The following CRB2 variants were observed in gnomAD, a reference collection of about 807,000 sequenced individuals.
The protein encoded by CRB2 is crumbs cell polarity complex component 2.
In CRB2, 85 loss-of-function variants were observed where a neutral mutation model predicts 110.9. The ratio of observed to expected loss-of-function variants is 0.77; its 90% CI spans 0.64 to 0.92. The LOEUF (loss-of-function observed/expected upper bound fraction) is 0.92, where lower values mean the gene tolerates loss of function less well. CRB2 is among the 40% of genes least tolerant of loss of function. CRB2 has a pLI of 0.00. For synonymous variants in CRB2, 907 were observed against 831.0 expected, an observed-to-expected ratio of 1.09 and a Z score of -1.57; for missense variants, 1,843 against 1,851.3, an observed-to-expected ratio of 1.00 and a Z score of 0.08.
chr9:123,354,519 A>C (rs751152516), upstream of CRB2, among the ~76,000 whole-genome samples: 12 of 152,172 alleles, frequency 7.9e-5, no homozygotes, highest in Non-Finnish European at 1.6e-4. Flanking sequence ...AGGCCCAGAG[A>C]AGGAAGTCAC....
intron 1 of CRB2, among the ~76,000 whole-genome samples, chr9:123,358,443 AGG>A (rs1240842609): frequency 6.6e-6 from 1 of 152,180 alleles, no homozygotes; most frequent in Non-Finnish European, 1.5e-5. Flanking sequence ...TCCAGCCAGA[AGG>A]GGGTGGGGGC....
In CRB2 at chr9:123,371,374, CGTGCACGTGG is replaced by C; in HGVS notation, c.2236_2245del (p.His746GlyfsTer392). Reference sequence around the variant, plus strand: ...ACCAGCTGCAGGACCTGGGGCAGCACGTGCACGTGGGTGGGAGGCTCCTTGCTGCCGACAG... The same window carrying C: ...ACCAGCTGCAGGACCTGGGGCAGCACGTGGGAGGCTCCTTGCTGCCGACAG... On this transcript the variant is annotated frameshift_variant, in exon 8 of 13. Coordinates refer to ENST00000373631, the MANE Select transcript of CRB2 (RefSeq NM_173689.7). LOFTEE classifies it high-confidence loss of function. The C allele has an allele frequency of 6.2e-7, 1 of 1,605,282 alleles. No homozygotes were observed. Among genetic ancestry groups the C allele is most frequent in the Non-Finnish European group, 8.5e-7 (1 of 1,175,398 alleles).
intron 1 of CRB2, among the ~76,000 whole-genome samples, chr9:123,361,139 G>GT (rs36027063): frequency 9.0e-6 from 1 of 110,748 alleles, no homozygotes; most frequent in East Asian, 2.7e-4. Context: ...GGGCGGGGAG[G>GT]GGGGGGGGTT....
Position 123,371,119 on chromosome 9 carries a change from C to T in CRB2, c.1977C>T (p.Ser659=). The part of the protein sequence containing the change: ...FGLGGAPSSA[S]FLLQELPGPN... The stretch of plus-strand genomic sequence containing the variant: ...TGGGAGGCGCCCCAAGCTCTGCCTC[C>T]TTTCTGCTCCAAGAGCTGCCAGGTC... Residue 659 remains serine, a synonymous_variant, in exon 8 of 13, where the codon TCC becomes TCT. Transcript: ENST00000373631. 6.2e-7 allele frequency: 1 copy of T among 1,613,524 alleles called. No homozygotes were observed. Among genetic ancestry groups the T allele is most frequent in the South Asian group, 1.1e-5 (1 of 91,084 alleles).
At chr9:123,372,752 A>G (rs1588216591) in intron 9 of CRB2, among the ~76,000 whole-genome samples, 2 of 152,308 alleles carry the variant, frequency 1.3e-5, no homozygotes, top group Admixed American at 6.5e-5. Context: ...GAGGGGCATG[A>G]CCAGATCTGC....
In CRB2 at chr9:123,356,341, T is replaced by C. The variant is rs1386574190; in HGVS notation, c.81T>C (p.Leu27=). 1 of 1,547,142 alleles carries C rather than the reference T, an allele frequency of 6.5e-7. No individual in the cohort carries two copies. Among genetic ancestry groups the C allele is most frequent in the Admixed American group, 2.0e-5 (1 of 50,580 alleles). ...TACTGCTGCTCTGGGCCCCTGCCCT[T>C]TCCCTCCTGGCTGGTGAGTTGGGGC... ...VLLLLLWAPA[L]SLLAGTVPSE... is the part of the protein sequence containing the mutation. Residue 27 remains leucine, a synonymous_variant, in exon 1 of 13, where the codon CTT becomes CTC. Coordinates refer to ENST00000373631, the MANE Select transcript of CRB2 (RefSeq NM_173689.7).
rs144719495 is a variant in CRB2 at position 123,369,963 on chromosome 9, C to A, written c.1055-145C>A. ...TCTTGGCTTCTGGCCTACGGGGGGACTTGAGGGGACCATGAGAAATCCTCT... is the reference window on the plus strand; with the variant it reads ...TCTTGGCTTCTGGCCTACGGGGGGAATTGAGGGGACCATGAGAAATCCTCT... On this transcript the variant is annotated intron_variant, in intron 6 of 12. Transcript: ENST00000373631. 388 of 980,764 alleles carry A rather than the reference C, an allele frequency of 4.0e-4. 1 individual carries two copies. In the African/African-American group the frequency reaches 5.8e-3, roughly 15 times the overall value. The allele number at this position is 980,764 out of a possible 1,614,324, so 60.8% of individuals were successfully genotyped here.
intron 1 of CRB2, among the ~76,000 whole-genome samples, chr9:123,361,985 G>C (rs369923304): frequency 6.6e-6 from 1 of 152,214 alleles, no homozygotes; most frequent in Non-Finnish European, 1.5e-5. Context: ...TTAGAGCCCC[G>C]GTGCTGGAAG....
rs1290888287 is a variant in CRB2, at chr9:123,376,949, C to T, written c.3745C>T (p.Arg1249Ter). The T allele has an allele frequency of 2.6e-5, 42 of 1,604,674 alleles. No individual in the cohort carries two copies. The highest frequency in any genetic ancestry group is 3.2e-5 in the Non-Finnish European group (38 of 1,177,034). Residue 1249 changes from arginine (R) to a stop codon, truncating the protein, a stop_gained, in exon 13 of 13, where the codon CGA becomes TGA. Transcript: ENST00000373631. LOFTEE classifies it high-confidence loss of function. ...LGLLSGILAA[R>*]KRRQSEGTYS... ...CCTCCTTTCAGGGATCCTGGCAGCC[C>T]GAAAGCGCCGCCAGTCTGAGGGCAC...
Position 123,367,564 on chromosome 9 carries a change from C to CG in CRB2, c.941-9_941-8insG, listed in dbSNP as rs2041955281. ...GTGCAGGTGGGACCCACAGCTGGGC[C>CG]TCTTACAGGAGCCGACTGCGGTGTG... On this transcript the variant is annotated splice_polypyrimidine_tract_variant and intron_variant, in intron 5 of 12. Coordinates refer to ENST00000373631, the MANE Select transcript of CRB2 (RefSeq NM_173689.7). The CG allele has an allele frequency of 4.5e-6, 7 of 1,549,662 alleles. No individual in the cohort carries two copies. In the Admixed American group the frequency reaches 9.7e-5, roughly 22 times the overall value.
intron 9 of CRB2, among the ~76,000 whole-genome samples, chr9:123,372,665 C>A (rs2042033312): frequency 6.6e-6 from 1 of 152,200 alleles, no homozygotes; most frequent in South Asian, 2.1e-4. Context: ...TTGGTAGGGG[C>A]TTTGAGGACA....
chr9:123,376,605 T>C (rs1242379946), intron 12 of CRB2, among the ~76,000 whole-genome samples: 1 of 152,140 alleles, frequency 6.6e-6, no homozygotes, highest in Non-Finnish European at 1.5e-5. Context: ...TCTCTGTCCT[T>C]CTAGCCAGAA....
chr9:123,375,991 G>A (rs1456087219), intron 12 of CRB2, among the ~76,000 whole-genome samples: 1 of 152,098 alleles, frequency 6.6e-6, no homozygotes, highest in Non-Finnish European at 1.5e-5. Flanking sequence ...CTGGCAGCCT[G>A]GGTCATAAAC....
intron 12 of CRB2, 143 bp downstream of exon 12, chr9:123,375,486 C>T (rs369567285): frequency 3.2e-6 from 3 of 931,622 alleles, no homozygotes; most frequent in South Asian, 4.4e-5. Flanking sequence ...GCCTCAGGTC[C>T]CTTCCACACC....
intron 6 of CRB2, among the ~76,000 whole-genome samples, chr9:123,368,470 C>G (rs1247590257): frequency 6.6e-6 from 1 of 152,240 alleles, no homozygotes; most frequent in East Asian, 1.9e-4. Flanking sequence ...CACAGTGGGC[C>G]CACACAGCAC....
In CRB2 at chr9:123,363,173, C is replaced by T; in HGVS notation, c.403C>T (p.Pro135Ser). The T allele has an allele frequency of 3.7e-6, 6 of 1,604,990 alleles. No individual in the cohort carries two copies. Among genetic ancestry groups the T allele is most frequent in the African/African-American group, 1.3e-5 (1 of 74,950 alleles). Residue 135 changes from proline to serine, a missense_variant, in exon 2 of 13, where the codon CCC (proline) becomes TCC (serine). Transcript: ENST00000373631. Reference sequence around the variant, plus strand: ...GGCCGATCGCTACGAGTGCCATTGCCCCCTTGGCTATGCAGGTAACAGCCT... The same window carrying T: ...GGCCGATCGCTACGAGTGCCATTGCTCCCTTGGCTATGCAGGTAACAGCCT... ...NLADRYECHC[P>S]LGYAGVTCEM...
chr9:123,357,492 T>C (rs2041813310), intron 1 of CRB2, among the ~76,000 whole-genome samples: 1 of 151,880 alleles, frequency 6.6e-6, no homozygotes, highest in Admixed American at 6.6e-5. Flanking sequence ...TTTCCTATCC[T>C]CTCTATGGGG....
At chr9:123,360,489 G>T (rs1251839482) in intron 1 of CRB2, among the ~76,000 whole-genome samples, 1 of 152,158 alleles carries the variant, frequency 6.6e-6, no homozygotes, top group Non-Finnish European at 1.5e-5. Context: ...GTCTGGCCTG[G>T]GCTATCGTGG....
chr9:123,371,410 C>A lies in CRB2; in HGVS notation c.2268C>A (p.Ser756Arg). 6.2e-7 allele frequency: 1 copy of A among 1,610,192 alleles called. No homozygotes were observed. Among genetic ancestry groups the A allele is most frequent in the Non-Finnish European group, 8.5e-7 (1 of 1,178,170 alleles). ...HVGGRLLAAD[S>R]QPWGGPFRGC... ...GTGGGAGGCTCCTTGCTGCCGACAG[C>A]CAGCCCTGGGGTGGGCCCTTCCGAG... The change falls in exon 8 of 13, where the codon AGC becomes AGA. Residue 756 changes from serine (S) to arginine (R), a missense_variant. Ser to Arg is a moderately radical substitution (Grantham distance 110, BLOSUM62 -1). Transcript: ENST00000373631.
Sources: gnomAD v4.1 joint callset for allele counts (sites outside exome capture counted in the v4.1 genomes callset) on GRCh38, gnomAD v4.1.1 for gene constraint, MANE v1.5 for transcripts, NCBI Gene and HGNC (gene_info 2026-07-23, HGNC 2026-07-21) for gene names.